Variants in NCOR1 observed in about 807,000 individuals in gnomAD.
The protein encoded by NCOR1 is nuclear receptor corepressor 1, also known as protein phosphatase 1, regulatory subunit 109.
A neutral mutation model predicts 288.1 loss-of-function variants in NCOR1; 63 were observed. The observed-to-expected ratio is 0.22, with a 90% CI of 0.18 to 0.27. The LOEUF (loss-of-function observed/expected upper bound fraction) is 0.27. Among genes scored for constraint, NCOR1 ranks in the 10% least tolerant of loss-of-function variants. NCOR1 has a pLI of 1.00. For missense variants in NCOR1, 2,397 were observed against 3,019.2 expected, an observed-to-expected ratio of 0.79 and a Z score of 4.83; for synonymous variants, 1,007 against 1,065.9, an observed-to-expected ratio of 0.94 and a Z score of 1.08.
At chr17:16,098,990 C>T (rs1038228684) in intron 20 of NCOR1, among the ~76,000 whole-genome samples, 3 of 152,176 alleles carry the variant, frequency 2.0e-5, no homozygotes, top group Admixed American at 6.5e-5. Flanking sequence ...ATTGGGATCA[C>T]AGAGTATTTT....
intron 44 of NCOR1, among the ~76,000 whole-genome samples, chr17:16,038,948 T>C (rs2057012375): frequency 6.6e-6 from 1 of 152,140 alleles, no homozygotes; most frequent in African/African-American, 2.4e-5. Context: ...TTTTTGTATT[T>C]TTAGTAGAGA....
chr17:16,154,476 G>A (rs1422231006), intron 6 of NCOR1, among the ~76,000 whole-genome samples: 2 of 152,158 alleles, frequency 1.3e-5, no homozygotes, highest in African/African-American at 2.4e-5. Context: ...TCTTCCTAGA[G>A]AAAATGATAC....
Position 16,029,333 on chromosome 17 carries a change from T to C in NCOR1, c.*2963A>G, listed in dbSNP as rs1280248696. ...GGTACTGAAGCAAAAGGAGGACTGA[T>C]CTCCTTTACTGATTGGTCTAAATTC... On this transcript the variant is annotated 3_prime_UTR_variant, in exon 46 of 46. Coordinates refer to ENST00000268712, the MANE Select transcript of NCOR1 (RefSeq NM_006311.4). The C allele has an allele frequency of 2.3e-6, 1 of 432,660 alleles. No individual in the cohort carries two copies. The highest frequency in any genetic ancestry group is 2.0e-5 in the African/African-American group (1 of 48,870). 26.8% of individuals were successfully genotyped at this position (432,660 alleles called of 1,614,324 possible). A position where few individuals can be genotyped will look rare whatever the true frequency, so the allele number is the denominator to read the frequency against.
intron 15 of NCOR1, chr17:16,122,622 A>T (rs1012243821): frequency 6.6e-6 from 1 of 151,932 alleles, no homozygotes; most frequent in African/African-American, 2.4e-5. Flanking sequence ...TTCTCCTCTC[A>T]TCCTTTCTTT....
At position 16,064,302 on chromosome 17, in the gene NCOR1, A is replaced by G. The variant is rs2060877450; in HGVS notation, c.5102-115T>C. 5.0e-6 allele frequency: 7 copies of G among 1,389,926 alleles called. No individual in the cohort carries two copies. In the South Asian group the frequency reaches 8.1e-5, roughly 16 times the overall value. The allele number at this position is 1,389,926 out of a possible 1,614,324, so 86.1% of individuals were successfully genotyped here. A position where few individuals can be genotyped will look rare whatever the true frequency, so the allele number is the denominator to read the frequency against. ...TTTCAAAAAGCTTCAAATTTGGGAT[A>G]TAAGAAGTTTGTTTTGGCTGGGTGC... On this transcript the variant is annotated intron_variant, in intron 34 of 45. Coordinates refer to ENST00000268712, the MANE Select transcript of NCOR1 (RefSeq NM_006311.4).
chr17:16,208,276 TC>T (rs1285249725), intron 1 of NCOR1, among the ~76,000 whole-genome samples: 2 of 143,622 alleles, frequency 1.4e-5, no homozygotes, highest in Non-Finnish European at 3.0e-5. Context: ...GCCAGAATGG[TC>T]TCGATCTCTT....
intron 37 of NCOR1, among the ~76,000 whole-genome samples, 174 bp from the exon 38 acceptor site, chr17:16,058,773 G>A (rs1016513299): frequency 2.0e-5 from 3 of 152,046 alleles, no homozygotes; most frequent in African/African-American, 7.2e-5. Context: ...TAGGCTGGGT[G>A]CAGTGGCTCA....
At chr17:16,211,530 G>T (rs2092128657) in intron 1 of NCOR1, among the ~76,000 whole-genome samples, 1 of 152,114 alleles carries the variant, frequency 6.6e-6, no homozygotes, top group Admixed American at 6.6e-5. Flanking sequence ...ACTGTGCCCT[G>T]CCATTAACAT....
Position 16,101,493 on chromosome 17 carries a change from G to A in NCOR1, c.2447C>T (p.Ala816Val). The change falls in exon 20 of 46, where the codon GCT (alanine) becomes GTT (valine). Residue 816 changes from alanine (A) to valine (V), a missense_variant. Physicochemically the swap from Ala to Val is moderately conservative, Grantham distance 64 (BLOSUM62 0). Transcript: ENST00000268712. The part of the protein sequence containing the change: ...EEGSVCDPPP[A>V]TKADSVDVEV... ...AACGTCCACAGAGTCAGCTTTGGTA[G>A]CGGGTGGGGGATCACAAACAGAACC... 1 of 1,614,184 alleles carries A rather than the reference G, an allele frequency of 6.2e-7. No individual in the cohort carries two copies. The highest frequency in any genetic ancestry group is 8.5e-7 in the Non-Finnish European group (1 of 1,180,034).
At chr17:16,059,116 CAGAACAGAG>C (rs1468846719) in intron 37 of NCOR1, among the ~76,000 whole-genome samples, 1 of 144,434 alleles carries the variant, frequency 6.9e-6, no homozygotes, top group African/African-American at 2.6e-5. Flanking sequence ...TGGAATGAGG[CAGAACAGAG>C]AACAGATTTA....
At chr17:16,106,510 G>A (rs180712439) in intron 19 of NCOR1, among the ~76,000 whole-genome samples, 1 of 152,082 alleles carries the variant, frequency 6.6e-6, no homozygotes, top group African/African-American at 2.4e-5. Flanking sequence ...AGTTTGGTCT[G>A]ATTTAATTCT....
At chr17:16,134,731 G>A (rs1036281723) in intron 14 of NCOR1, among the ~76,000 whole-genome samples, 1 of 152,170 alleles carries the variant, frequency 6.6e-6, no homozygotes, top group Non-Finnish European at 1.5e-5. Context: ...TCTGGCAAAG[G>A]TTAAGGTACA....
Position 16,119,461 on chromosome 17 carries a change from G to A in NCOR1, c.1877C>T (p.Ser626Phe). 1 of 1,610,894 alleles carries A rather than the reference G, an allele frequency of 6.2e-7. No homozygotes were observed. The highest frequency in any genetic ancestry group is 8.5e-7 in the Non-Finnish European group (1 of 1,178,402). Reference sequence around the variant, plus strand: ...TTCCATTTCTTCTTCTGTCCATCGAGAGGTCTCCACAGGCTCTGTAGAAAC... The same window carrying A: ...TTCCATTTCTTCTTCTGTCCATCGAAAGGTCTCCACAGGCTCTGTAGAAAC... ...EPISTEPVET[S>F]RWTEEEMEVA... Residue 626 changes from serine (S) to phenylalanine (F), a missense_variant, in exon 17 of 46, where the codon TCT (serine) becomes TTT (phenylalanine). Transcript: ENST00000268712.
chr17:16,045,646 T>C (rs1165299236), intron 42 of NCOR1, among the ~76,000 whole-genome samples: 1 of 151,960 alleles, frequency 6.6e-6, no homozygotes, highest in Non-Finnish European at 1.5e-5. Flanking sequence ...GTAGCTGGGA[T>C]TACAGGTGCA....
chr17:16,077,135 G>GC (rs2062581323), intron 26 of NCOR1, among the ~76,000 whole-genome samples: 1 of 152,074 alleles, frequency 6.6e-6, no homozygotes, highest in East Asian at 1.9e-4. Flanking sequence ...GGTGGCTTGC[G>GC]CCTGTAATCC....
chr17:16,194,423 C>CA, intron 2 of NCOR1, 39 bp downstream of exon 2: 1 of 1,374,044 alleles, frequency 7.3e-7, no homozygotes, highest in Non-Finnish European at 1.0e-6. Context: ...AAGAAAAACA[C>CA]AAAAAACATG....
chr17:16,143,802 T>G (rs2077473997), intron 10 of NCOR1, 106 bp from the exon 11 acceptor site: 1 of 765,832 alleles, frequency 1.3e-6, no homozygotes, highest in Non-Finnish European at 2.1e-6. Flanking sequence ...TTTAACCAAG[T>G]TAAGAGAAGA....
intron 18 of NCOR1, 32 bp from the exon 19 acceptor site, chr17:16,108,944 A>G: frequency 6.6e-7 from 1 of 1,511,406 alleles, no homozygotes; most frequent in Non-Finnish European, 8.9e-7. Context: ...TTTGATTTAA[A>G]TAACTAAAAA....
chr17:16,067,351 A>G (rs1261185912), intron 32 of NCOR1, among the ~76,000 whole-genome samples: 2 of 152,268 alleles, frequency 1.3e-5, no homozygotes, highest in Non-Finnish European at 2.9e-5. Context: ...GAGTTGATAC[A>G]GAAGTTGAAT....
Sources: gnomAD v4.1 joint callset for allele counts (sites outside exome capture counted in the v4.1 genomes callset) on GRCh38, gnomAD v4.1.1 for gene constraint, MANE v1.5 for transcripts, NCBI Gene and HGNC (gene_info 2026-07-23, HGNC 2026-07-21) for gene names.